The following ICA1 variants were observed in gnomAD, a reference collection of about 807,000 sequenced individuals.
ICA1 encodes islet cell autoantigen 1.
ICA1 carries 40 observed loss-of-function variants against 71.0 expected under a neutral mutation model. The observed-to-expected ratio is 0.56, with a 90% CI of 0.44 to 0.73. The LOEUF (loss-of-function observed/expected upper bound fraction) is 0.73. ICA1 is among the 30% of genes least tolerant of loss of function. ICA1 has a pLI of 0.00. For synonymous variants in ICA1, 207 were observed against 209.5 expected, an observed-to-expected ratio of 0.99 and a Z score of 0.10; for missense variants, 578 against 576.5, an observed-to-expected ratio of 1.00 and a Z score of -0.03.
At chr7:8,141,908 T>C in intron 9 of ICA1, 91 bp from the exon 10 acceptor site, 1 of 1,322,830 alleles carries the variant, frequency 7.6e-7, no homozygotes, top group Non-Finnish European at 1.0e-6. Context: ...ACTTCACTTT[T>C]AACACAAACA....
chr7:8,152,824 A>C (rs796286486), intron 8 of ICA1, among the ~76,000 whole-genome samples: 1,280 of 18,524 alleles, frequency 0.069, 4 homozygotes, highest in African/African-American at 0.092. Context: ...ATCTCCTTCA[A>C]CACCACTACC....
chr7:8,200,193 T>C (rs1383919721), intron 6 of ICA1, among the ~76,000 whole-genome samples: 1 of 151,916 alleles, frequency 6.6e-6, no homozygotes, highest in Non-Finnish European at 1.5e-5. Context: ...ATACCTACTA[T>C]GTACCCACAA....
chr7:8,240,761 C>T (rs542314014), intron 1 of ICA1, among the ~76,000 whole-genome samples: 8 of 151,984 alleles, frequency 5.3e-5, no homozygotes, highest in African/African-American at 1.2e-4. Context: ...AACTACGTGA[C>T]GCATTTACAA....
chr7:8,167,703 G>A (rs962122830), intron 6 of ICA1, among the ~76,000 whole-genome samples: 1 of 152,078 alleles, frequency 6.6e-6, no homozygotes, highest in Admixed American at 6.6e-5. Context: ...GGTTTAAATG[G>A]GGGGTGGCAA....
intron 6 of ICA1, among the ~76,000 whole-genome samples, chr7:8,202,287 C>T (rs1789988066): frequency 6.6e-6 from 1 of 152,182 alleles, no homozygotes; most frequent in South Asian, 2.1e-4. Context: ...CTGGCCCTGA[C>T]ATGTTCTGAC....
intron 1 of ICA1, among the ~76,000 whole-genome samples, chr7:8,240,149 C>G (rs1397029341): frequency 6.6e-6 from 1 of 152,240 alleles, no homozygotes; most frequent in African/African-American, 2.4e-5. Flanking sequence ...TAGGGGCTGA[C>G]AGACACCTTA....
chr7:8,155,818 A>T (rs143209879), intron 8 of ICA1, among the ~76,000 whole-genome samples: 37 of 152,306 alleles, frequency 2.4e-4, no homozygotes, highest in Middle Eastern at 6.8e-3. Context: ...AGGTGCAGTA[A>T]ATCAGAGATG....
intron 4 of ICA1, 23 bp from the exon 5 acceptor site, chr7:8,221,421 G>C: frequency 6.2e-7 from 1 of 1,612,194 alleles, no homozygotes; most frequent in African/African-American, 1.3e-5. Context: ...AGACCAAAAG[G>C]AGCCATGAAC....
At chr7:8,258,165 G>A (rs1464222390) in intron 1 of ICA1, among the ~76,000 whole-genome samples, 1 of 152,092 alleles carries the variant, frequency 6.6e-6, no homozygotes, top group Admixed American at 6.5e-5. Flanking sequence ...TCCCTGAAAG[G>A]CAATTGGTTA....
intron 9 of ICA1, chr7:8,142,184 T>C: frequency 4.8e-6 from 2 of 418,010 alleles, no homozygotes; most frequent in East Asian, 7.4e-5. Flanking sequence ...CCTAGTGTTA[T>C]AGGAGAGGAC....
At chr7:8,249,843 C>A (rs1393520179) in intron 1 of ICA1, among the ~76,000 whole-genome samples, 1 of 152,196 alleles carries the variant, frequency 6.6e-6, no homozygotes, top group African/African-American at 2.4e-5. Flanking sequence ...CTGACTATTT[C>A]TTTTCAAATG....
chr7:8,147,751 C>G (rs947598287), intron 8 of ICA1, among the ~76,000 whole-genome samples: 1 of 150,560 alleles, frequency 6.6e-6, no homozygotes, highest in Non-Finnish European at 1.5e-5. Context: ...AGCTATAATT[C>G]AAATACCATA....
At chr7:8,215,149 C>CA (rs1795008544) in intron 6 of ICA1, among the ~76,000 whole-genome samples, 1 of 152,170 alleles carries the variant, frequency 6.6e-6, no homozygotes, top group Admixed American at 6.5e-5. Context: ...TACACCCTCC[C>CA]ACTACTCCGT....
chr7:8,221,860 C>T (rs1797203851), intron 4 of ICA1, among the ~76,000 whole-genome samples: 1 of 152,070 alleles, frequency 6.6e-6, no homozygotes, highest in African/African-American at 2.4e-5. Context: ...ATTCAAATAC[C>T]TCAGCTGTGA....
rs1791794458 is a variant in ICA1, at chr7:8,132,382, TCA to T, written c.1061-4242_1061-4241del. Among the ~76,000 whole-genome samples, 1 of 152,156 alleles carries T rather than the reference TCA, an allele frequency of 6.6e-6. No homozygotes were observed. Among genetic ancestry groups the T allele is most frequent in the African/African-American group, 2.4e-5 (1 of 41,436 alleles). On this transcript the variant is annotated intron_variant, in intron 12 of 13. Transcript: ENST00000402384. The surrounding 1 kb of genome is among the most constrained non-coding windows in gnomAD (Gnocchi z 4.5). The stretch of plus-strand genomic sequence containing the variant: ...CTTGATGTTGCTCTCCACCCTCCCC[TCA>T]CACTTTCAAGTTACTGTTCTGGTTT...
chr7:8,176,225 T>A (rs28497142), intron 6 of ICA1, among the ~76,000 whole-genome samples: 1 of 152,196 alleles, frequency 6.6e-6, no homozygotes, highest in African/African-American at 2.4e-5. Context: ...AGGCACCTTA[T>A]CCTTCATGCA....
intron 1 of ICA1, among the ~76,000 whole-genome samples, chr7:8,249,178 T>G (rs1013224352): frequency 6.6e-6 from 1 of 152,236 alleles, no homozygotes; most frequent in Non-Finnish European, 1.5e-5. Context: ...TGCCAGGGTT[T>G]GAGGGGCACA....
chr7:8,143,797 G>T, intron 9 of ICA1, 78 bp downstream of exon 9: 1 of 890,722 alleles, frequency 1.1e-6, no homozygotes, highest in Admixed American at 2.0e-5. Flanking sequence ...CTGAGGCCCA[G>T]CCAGGTTCGG....
Position 8,199,273 on chromosome 7 carries a change from C to T in ICA1, c.579+19032G>A, listed in dbSNP as rs542782289. On this transcript the variant is annotated intron_variant, in intron 6 of 13. Coordinates refer to ENST00000402384, the MANE Select transcript of ICA1 (RefSeq NM_001136020.3). Reference sequence around the variant, plus strand: ...TCAGTATATCAAAGACATATCTGCACTCCTGTATTTGTTGCAGCAAATACA... The same window carrying T: ...TCAGTATATCAAAGACATATCTGCATTCCTGTATTTGTTGCAGCAAATACA... Among the ~76,000 whole-genome samples the T allele has an allele frequency of 1.4e-3, 206 of 152,344 alleles. 1 individual carries two copies. Among genetic ancestry groups the T allele is most frequent in the African/African-American group, 4.4e-3 (185 of 41,584 alleles).
Sources: allele counts gnomAD v4.1 joint callset (sites outside exome capture counted in the v4.1 genomes callset), GRCh38; gene constraint gnomAD v4.1.1; non-coding constraint Gnocchi (gnomAD v3.1); transcripts MANE v1.5; gene names NCBI Gene and HGNC (gene_info 2026-07-23, HGNC 2026-07-21).